ADAMTSL1: variants seen among roughly 807,000 people sequenced by gnomAD.
The protein encoded by ADAMTSL1 is ADAMTS-like protein 1.
ADAMTSL1 carries 126 observed loss-of-function variants against 201.8 expected under a neutral mutation model. The ratio of observed to expected loss-of-function variants is 0.62; its 90% CI spans 0.54 to 0.72. The LOEUF (loss-of-function observed/expected upper bound fraction) is 0.72, where lower values mean the gene tolerates loss of function less well. Ranked by LOEUF, ADAMTSL1 falls within the 30% of genes least tolerant of loss-of-function variation. The pLI, the probability that ADAMTSL1 is intolerant of heterozygous loss-of-function variation, is 0.00. For missense variants in ADAMTSL1, 2,679 were observed against 2,277.8 expected, an observed-to-expected ratio of 1.18 and a Z score of -3.59; for synonymous variants, 1,121 against 903.4, an observed-to-expected ratio of 1.24 and a Z score of -4.32.
At chr9:18,361,545 T>C (rs1836519525) in intron 2 of ADAMTSL1, among the ~76,000 whole-genome samples, 2 of 152,206 alleles carry the variant, frequency 1.3e-5, no homozygotes, top group African/African-American at 4.8e-5. Flanking sequence ...TGTTGTGCCT[T>C]AAAGCAAACA....
At chr9:18,452,499 C>T (rs1310086723) in intron 2 of ADAMTSL1, among the ~76,000 whole-genome samples, 1 of 152,164 alleles carries the variant, frequency 6.6e-6, no homozygotes. Flanking sequence ...AGAACCAACT[C>T]AAAAGTCCAA....
intron 1 of ADAMTSL1, among the ~76,000 whole-genome samples, chr9:18,484,663 A>G (rs1821896741): frequency 6.6e-6 from 1 of 152,222 alleles, no homozygotes. Context: ...TAATGACAGT[A>G]GGTTTTCCCA....
intron 1 of ADAMTSL1, among the ~76,000 whole-genome samples, chr9:18,499,764 C>G (rs1200056691): frequency 1.3e-5 from 2 of 152,118 alleles, no homozygotes; most frequent in Non-Finnish European, 2.9e-5. Context: ...CTCTCATAGC[C>G]CATTTTGTTA....
chr9:18,099,358 T>A (rs1308310810), intron 1 of ADAMTSL1, among the ~76,000 whole-genome samples: 3,859 of 80,854 alleles, frequency 0.048, 74 homozygotes, highest in Non-Finnish European at 0.065. Context: ...TATATATATT[T>A]TTTTTTTTTT....
At chr9:18,461,486 A>T (rs919497475) in intron 2 of ADAMTSL1, among the ~76,000 whole-genome samples, 4 of 152,110 alleles carry the variant, frequency 2.6e-5, no homozygotes, top group Admixed American at 1.3e-4. Context: ...TATGGTTCTT[A>T]TATTATGGTT....
chr9:18,066,647 A>G (rs954223733), intron 1 of ADAMTSL1, among the ~76,000 whole-genome samples: 2 of 152,212 alleles, frequency 1.3e-5, no homozygotes, highest in African/African-American at 2.4e-5. Flanking sequence ...TTTAAACAGC[A>G]ATTCTAGGTG....
chr9:18,211,892 A>G (rs532026138), intron 2 of ADAMTSL1, among the ~76,000 whole-genome samples: 94 of 152,206 alleles, frequency 6.2e-4, no homozygotes, highest in Middle Eastern at 3.2e-3. Flanking sequence ...GCCCTCAACA[A>G]CCCAGTTAAG....
At chr9:18,188,565 A>G (rs1414064215) in intron 2 of ADAMTSL1, among the ~76,000 whole-genome samples, 1 of 152,080 alleles carries the variant, frequency 6.6e-6, no homozygotes, top group East Asian at 1.9e-4. Flanking sequence ...CTCTTAGAGG[A>G]TTTTCAGATA....
intron 2 of ADAMTSL1, among the ~76,000 whole-genome samples, chr9:18,514,512 A>G (rs1208231067): frequency 6.6e-6 from 1 of 151,368 alleles, no homozygotes; most frequent in Non-Finnish European, 1.5e-5. Context: ...TTGTATTTTT[A>G]GTAGAGACGG....
intron 3 of ADAMTSL1, among the ~76,000 whole-genome samples, chr9:18,536,597 T>C (rs530818462): frequency 1.7e-4 from 26 of 152,342 alleles, no homozygotes; most frequent in African/African-American, 5.8e-4. Flanking sequence ...TCTGTGTAGC[T>C]GGTTCAAGAA....
intron 1 of ADAMTSL1, among the ~76,000 whole-genome samples, chr9:18,495,938 A>G (rs12001004): frequency 0.038 from 5,711 of 152,288 alleles, 350 homozygotes; most frequent in African/African-American, 0.13. Flanking sequence ...ATATGTAAAC[A>G]TTTAAAATAA....
chr9:18,465,949 C>G (rs1313649615), intron 2 of ADAMTSL1, among the ~76,000 whole-genome samples: 1 of 152,040 alleles, frequency 6.6e-6, no homozygotes, highest in Non-Finnish European at 1.5e-5. Context: ...TGGGGTTTCA[C>G]CACATTGGCC....
chr9:18,524,495 G>GA (rs1166218265), intron 2 of ADAMTSL1, among the ~76,000 whole-genome samples: 4 of 152,148 alleles, frequency 2.6e-5, no homozygotes, highest in Non-Finnish European at 5.9e-5. Context: ...GGAGTGGTGA[G>GA]AGAGGGCATC....
intron 2 of ADAMTSL1, among the ~76,000 whole-genome samples, chr9:18,436,677 CT>C (rs748711453): frequency 6.6e-6 from 1 of 152,148 alleles, no homozygotes. Flanking sequence ...TCTTATTTTA[CT>C]TTACCTCTCT....
At chr9:17,907,835 G>A (rs182829708) in intron 1 of ADAMTSL1, among the ~76,000 whole-genome samples, 165 of 152,220 alleles carry the variant, frequency 1.1e-3, no homozygotes, top group Non-Finnish European at 6.3e-4. Flanking sequence ...CACGAATTGG[G>A]CAGTTTGTAC....
In ADAMTSL1 at chr9:18,474,167, C is replaced by T; in HGVS notation, c.-66C>T. On this transcript the variant is annotated 5_prime_UTR_variant, in exon 1 of 29. Transcript: ENST00000380548. ...GTGTTAGCACCAGTACTGGATGTGA[C>T]AGCAGGCAGAGGAGCACTTAGCAGC... 6.8e-7 allele frequency: 1 copy of T among 1,468,662 alleles called. No individual in the cohort carries two copies. The highest frequency in any genetic ancestry group is 9.5e-7 in the Non-Finnish European group (1 of 1,051,568). 91.0% of individuals were successfully genotyped at this position (1,468,662 alleles called of 1,614,324 possible). A position where few individuals can be genotyped will look rare whatever the true frequency, so the allele number is the denominator to read the frequency against.
At chr9:18,071,332 C>T (rs904117383) in intron 1 of ADAMTSL1, among the ~76,000 whole-genome samples, 1 of 152,084 alleles carries the variant, frequency 6.6e-6, no homozygotes, top group Non-Finnish European at 1.5e-5. Context: ...TCCAGAACAC[C>T]AAAAATAAGT....
intron 14 of ADAMTSL1, among the ~76,000 whole-genome samples, chr9:18,720,049 A>C (rs542416503): frequency 5.3e-5 from 8 of 152,358 alleles, no homozygotes; most frequent in African/African-American, 1.9e-4. Context: ...TTATATACAC[A>C]GCTATGTATG....
Position 18,443,691 on chromosome 9 carries a change from A to G in ADAMTSL1, c.208-61138A>G, listed in dbSNP as rs570444116. Among the ~76,000 whole-genome samples, 3 of 152,314 alleles carry G rather than the reference A, an allele frequency of 2.0e-5. No individual in the cohort carries two copies. The East Asian group carries it at 5.8e-4, about 29-fold the overall frequency. ...CTTTTTCAGCCTAGGTGTGTACTGT[A>G]CTGACTTTTAGTTTCTCCCCAAAGA... is the stretch of plus-strand genomic sequence containing the variant. On this transcript the variant is annotated intron_variant, in intron 2 of 29. Coordinates refer to the ADAMTSL1 transcript ENST00000680146.
Sources: allele counts gnomAD v4.1 joint callset (sites outside exome capture counted in the v4.1 genomes callset), GRCh38; gene constraint gnomAD v4.1.1; transcripts MANE v1.5; gene names NCBI Gene and HGNC (gene_info 2026-07-23, HGNC 2026-07-21).